Variants in AFAP1 observed in about 807,000 individuals in gnomAD.
AFAP1 encodes the protein actin filament-associated protein 1.
Under a neutral mutation model 93.9 loss-of-function variants are expected in AFAP1, and 75 were observed. That is an observed-to-expected ratio of 0.80 (90% CI 0.66 to 0.97). The LOEUF (loss-of-function observed/expected upper bound fraction) is 0.97. AFAP1 is among the 50% of genes least tolerant of loss of function. The pLI is 0.00. For missense variants in AFAP1, 1,201 were observed against 1,050.8 expected (o/e 1.14, Z -1.98); for synonymous variants, 517 against 430.7 (o/e 1.20, Z -2.48).
chr4:7,913,388 CAAAAAAA>C (rs763367846), intron 1 of AFAP1, among the ~76,000 whole-genome samples: 1 of 62,064 alleles, frequency 1.6e-5, no homozygotes, highest in African/African-American at 5.2e-5. Flanking sequence ...ACCCTGTCTC[CAAAAAAA>C]AAAAAAAAAA....
Position 7,930,673 on chromosome 4 carries a change from T to C in AFAP1, c.-3+8983A>G, listed in dbSNP as rs566438065. ...ACCAATGATGTTCCTATCAGGAAATTACAAGGGTTTTAGAAGCTCTGGGCC... is the reference window on the plus strand; with the variant it reads ...ACCAATGATGTTCCTATCAGGAAATCACAAGGGTTTTAGAAGCTCTGGGCC... On this transcript the variant is annotated intron_variant, in intron 1 of 17. Transcript: ENST00000420658. 2.0e-5 allele frequency among the ~76,000 whole-genome samples: 3 copies of C among 152,344 alleles called. No individual in the cohort carries two copies. In the East Asian group the frequency reaches 5.8e-4, roughly 29 times the overall value.
At chr4:7,885,700 G>C (rs35661042) in intron 1 of AFAP1, among the ~76,000 whole-genome samples, 65,159 of 152,180 alleles carry the variant, frequency 0.43, 16,603 homozygotes, top group Non-Finnish European at 0.6. Context: ...CCTGAGATCT[G>C]CTTCAAAGAG....
intron 1 of AFAP1, among the ~76,000 whole-genome samples, chr4:7,927,931 T>G (rs1246796381): frequency 6.6e-6 from 1 of 152,212 alleles, no homozygotes; most frequent in East Asian, 1.9e-4. Flanking sequence ...GGAATTGTTC[T>G]GTGAAAGTCA....
chr4:7,807,159 T>C (rs1156904208), intron 9 of AFAP1, among the ~76,000 whole-genome samples: 1 of 152,124 alleles, frequency 6.6e-6, no homozygotes, highest in Non-Finnish European at 1.5e-5. Flanking sequence ...GTTTAATTGT[T>C]TTTCAAGGAA....
At chr4:7,915,497 AG>A (rs1720040400) in intron 1 of AFAP1, among the ~76,000 whole-genome samples, 1 of 152,120 alleles carries the variant, frequency 6.6e-6, no homozygotes, top group Admixed American at 6.5e-5. Context: ...AAGAAGAAGA[AG>A]AAGGAAAAAG....
At chr4:7,841,299 CCA>C (rs34482130) in intron 5 of AFAP1, among the ~76,000 whole-genome samples, 1 of 151,526 alleles carries the variant, frequency 6.6e-6, no homozygotes, top group African/African-American at 2.4e-5. Flanking sequence ...TCTATACCTC[CCA>C]CACACACACA....
intron 3 of AFAP1, among the ~76,000 whole-genome samples, chr4:7,860,928 C>A (rs188012788): frequency 6.6e-6 from 1 of 151,910 alleles, no homozygotes; most frequent in South Asian, 2.1e-4. Flanking sequence ...TCGCCTGCCT[C>A]GCTCGCCTCG....
intron 7 of AFAP1, among the ~76,000 whole-genome samples, 161 bp from the exon 8 acceptor site, chr4:7,816,260 G>A (rs577093558): frequency 1.3e-5 from 2 of 152,094 alleles, no homozygotes; most frequent in East Asian, 3.9e-4. Flanking sequence ...AGACTGGCTG[G>A]TTAGGTGGCC....
intron 1 of AFAP1, among the ~76,000 whole-genome samples, chr4:7,882,438 C>T (rs1214495147): frequency 3.3e-5 from 5 of 151,476 alleles, no homozygotes; most frequent in African/African-American, 1.2e-4. Context: ...ATATCTAAAC[C>T]GAATAGAGAT....
At chr4:7,784,342 C>T (rs554287911) in intron 12 of AFAP1, among the ~76,000 whole-genome samples, 1 of 152,242 alleles carries the variant, frequency 6.6e-6, no homozygotes, top group East Asian at 1.9e-4. Context: ...TACAAGCGGG[C>T]CCTGCCCTGC....
chr4:7,774,968 C>A, intron 14 of AFAP1, 65 bp from the exon 15 acceptor site: 1 of 1,556,072 alleles, frequency 6.4e-7, no homozygotes, highest in South Asian at 1.2e-5. Flanking sequence ...ATGGGACGAT[C>A]CCTTCTCCAC....
At position 7,836,797 on chromosome 4, in the gene AFAP1, G is replaced by C. The variant is rs547681262; in HGVS notation, c.726+1727C>G. On this transcript the variant is annotated intron_variant, in intron 6 of 17. Transcript: ENST00000420658. ...CGAAATTCAGCATCTAGACTATGGT[G>C]ATGGCTGCACAACTCAGTGAATATA... Among the ~76,000 whole-genome samples the C allele has an allele frequency of 5.4e-4, 82 of 151,524 alleles. 1 individual carries two copies. Among genetic ancestry groups the C allele is most frequent in the African/African-American group, 1.9e-3 (80 of 41,374 alleles).
intron 1 of AFAP1, among the ~76,000 whole-genome samples, chr4:7,918,160 A>G (rs996704468): frequency 6.6e-5 from 10 of 151,002 alleles, no homozygotes; most frequent in African/African-American, 2.4e-4. Context: ...CCAGATCACC[A>G]GGAAACCGGG....
intron 1 of AFAP1, among the ~76,000 whole-genome samples, chr4:7,892,752 A>G (rs2149208663): frequency 6.6e-6 from 1 of 152,104 alleles, no homozygotes; most frequent in Middle Eastern, 3.4e-3. Flanking sequence ...GTAACACCCC[A>G]AACTATTCCA....
chr4:7,798,009 T>C lies in AFAP1; in HGVS notation c.1266+2433A>G, dbSNP rs549657454. On this transcript the variant is annotated intron_variant, in intron 10 of 17. Transcript: ENST00000420658. The stretch of plus-strand genomic sequence containing the variant: ...TCCTTCGTGCTATCCTTGCAACTTT[T>C]CGGTAACTCTGAAATTATCTCAAAA... Among the ~76,000 whole-genome samples the C allele has an allele frequency of 3.8e-4, 58 of 152,310 alleles. 1 individual carries two copies. In the South Asian group the frequency reaches 7.5e-3, roughly 20 times the overall value.
chr4:7,936,011 C>T (rs1721358998), intron 1 of AFAP1, among the ~76,000 whole-genome samples: 1 of 152,192 alleles, frequency 6.6e-6, no homozygotes. Flanking sequence ...AAGCCCTCTC[C>T]TAAGATCACA....
Position 7,921,031 on chromosome 4 carries a change from T to A in AFAP1, c.-3+18625A>T, listed in dbSNP as rs897392768. Among the ~76,000 whole-genome samples the A allele has an allele frequency of 6.6e-5, 10 of 151,970 alleles. No individual in the cohort carries two copies. The South Asian group carries it at 1.2e-3, about 19-fold the overall frequency. On this transcript the variant is annotated intron_variant, in intron 1 of 17. Transcript: ENST00000420658. ...ATAAATAAATAAATATGGGTTTTTTTAATACCAGTTTGCCTCCAAAGAAAA... is the reference window on the plus strand; with the variant it reads ...ATAAATAAATAAATATGGGTTTTTTAAATACCAGTTTGCCTCCAAAGAAAA...
At chr4:7,860,201 T>C (rs1320018130) in intron 3 of AFAP1, among the ~76,000 whole-genome samples, 1 of 152,188 alleles carries the variant, frequency 6.6e-6, no homozygotes, top group Non-Finnish European at 1.5e-5. Context: ...ATTATTGTTA[T>C]TACTACAGGT....
chr4:7,838,634 T>C lies in AFAP1; in HGVS notation c.616A>G (p.Ile206Val), dbSNP rs1195672747. ...TTCTTCTTTTTGCTGTCTTTCGGGA[T>C]GTACGTAATGTTACAGCCTTGGAGT... ...LPLQGCNITY[I>V]PKDSKKKKHE... is the part of the protein sequence containing the mutation. Residue 206 changes from isoleucine (I) to valine (V), a missense_variant, in exon 6 of 18, where the codon ATC becomes GTC. By Grantham distance (29) the Ile-to-Val change is conservative. Transcript: ENST00000420658. The C allele has an allele frequency of 6.2e-7, 1 of 1,614,146 alleles. No individual in the cohort carries two copies. Among genetic ancestry groups the C allele is most frequent in the Non-Finnish European group, 8.5e-7 (1 of 1,180,028 alleles).
Sources: gnomAD v4.1 joint callset for allele counts (sites outside exome capture counted in the v4.1 genomes callset) on GRCh38, gnomAD v4.1.1 for gene constraint, MANE v1.5 for transcripts, NCBI Gene and HGNC (gene_info 2026-07-23, HGNC 2026-07-21) for gene names.